The following VIT variants were observed in gnomAD, a reference collection of about 807,000 sequenced individuals.
The protein encoded by VIT is vitrin.
In VIT, 99 loss-of-function variants were observed where a neutral mutation model predicts 78.0. That is an observed-to-expected ratio of 1.27 (90% CI 1.08 to 1.50). VIT has a LOEUF of 1.50. Among genes scored for constraint, VIT ranks in the 40% most tolerant of loss-of-function variants. The pLI, the probability that VIT is intolerant of heterozygous loss-of-function variation, is 0.00. For synonymous variants in VIT, 374 were observed against 334.3 expected (o/e 1.12, Z -1.29); for missense variants, 1,126 against 875.3 (o/e 1.29, Z -3.61).
At chr2:36,758,524 T>A (rs1457444142) in intron 5 of VIT, among the ~76,000 whole-genome samples, 1 of 152,220 alleles carries the variant, frequency 6.6e-6, no homozygotes, top group Non-Finnish European at 1.5e-5. Flanking sequence ...ACTTTTAGGT[T>A]TTACTACTGC....
At chr2:36,752,176 G>A (rs988075626) in intron 4 of VIT, among the ~76,000 whole-genome samples, 1 of 152,134 alleles carries the variant, frequency 6.6e-6, no homozygotes, top group Non-Finnish European at 1.5e-5. Flanking sequence ...GAACATATTT[G>A]AGGCATCATA....
intron 9 of VIT, among the ~76,000 whole-genome samples, chr2:36,777,917 T>A (rs1670169365): frequency 6.6e-6 from 1 of 152,114 alleles, no homozygotes; most frequent in South Asian, 2.1e-4. Flanking sequence ...ACTAAACACC[T>A]CCTTTGTGTT....
At position 36,783,723 on chromosome 2, in the gene VIT, G is replaced by A. The variant is rs541151577; in HGVS notation, c.910+321G>A. On this transcript the variant is annotated intron_variant, in intron 11 of 15. Coordinates refer to ENST00000379242, the MANE Select transcript of VIT (RefSeq NM_053276.4). ...GGGCAATGGTCTACTGCAAATGATG[G>A]TGGCCAGAACTCGGAGTTGGAAGTG... Among the ~76,000 whole-genome samples, 6 of 152,298 alleles carry A rather than the reference G, an allele frequency of 3.9e-5. No individual in the cohort carries two copies. In the South Asian group the frequency reaches 1.2e-3, roughly 32 times the overall value.
intron 5 of VIT, among the ~76,000 whole-genome samples, chr2:36,758,064 G>A (rs1169376871): frequency 1.3e-5 from 2 of 152,172 alleles, no homozygotes; most frequent in East Asian, 3.8e-4. Context: ...TCCTGTAAAA[G>A]TATTCCCTCC....
In VIT at chr2:36,814,097, G is replaced by A. The variant is rs1398844967; in HGVS notation, c.1904-86G>A. ...CATATTTCTGATTTTGGATTTGGCT[G>A]TGCCAACAGGGCCACAAGAAGAGAG... On this transcript the variant is annotated intron_variant, in intron 15 of 15. Coordinates refer to ENST00000379242, the MANE Select transcript of VIT (RefSeq NM_053276.4). 4.0e-6 allele frequency: 6 copies of A among 1,508,822 alleles called. No individual in the cohort carries two copies. In the Admixed American group the frequency reaches 8.0e-5, roughly 20 times the overall value. 93.5% of individuals were successfully genotyped at this position (1,508,822 alleles called of 1,614,324 possible). A position where few individuals can be genotyped will look rare whatever the true frequency, so the allele number is the denominator to read the frequency against.
chr2:36,799,226 C>T (rs889354085), intron 12 of VIT, among the ~76,000 whole-genome samples: 17 of 152,132 alleles, frequency 1.1e-4, no homozygotes, highest in Admixed American at 2.0e-4. Flanking sequence ...GGAAAGGAAG[C>T]GGGGAGGCAG....
intron 15 of VIT, among the ~76,000 whole-genome samples, chr2:36,810,937 G>C (rs1382250486): frequency 1.3e-5 from 2 of 152,134 alleles, no homozygotes; most frequent in South Asian, 4.1e-4. Context: ...CCTGGCTTCT[G>C]TGCCTACATT....
chr2:36,782,617 C>G (rs1050214342), intron 10 of VIT, among the ~76,000 whole-genome samples: 1 of 152,160 alleles, frequency 6.6e-6, no homozygotes, highest in Non-Finnish European at 1.5e-5. Context: ...GTTACCAAGC[C>G]TAAAAGGATT....
chr2:36,759,235 G>A, intron 6 of VIT, 189 bp downstream of exon 6: 1 of 1,519,206 alleles, frequency 6.6e-7, no homozygotes, highest in Non-Finnish European at 8.8e-7. Flanking sequence ...AAGAATGAAA[G>A]CTTTATTTTT....
intron 9 of VIT, among the ~76,000 whole-genome samples, chr2:36,781,235 T>C (rs1007537555): frequency 6.6e-6 from 1 of 152,190 alleles, no homozygotes; most frequent in African/African-American, 2.4e-5. Context: ...ATATTAGGCA[T>C]ATAGTGAGTG....
At chr2:36,734,239 C>A (rs1373008678) in intron 3 of VIT, among the ~76,000 whole-genome samples, 1 of 152,210 alleles carries the variant, frequency 6.6e-6, no homozygotes, top group Admixed American at 6.5e-5. Context: ...AATGTGAAAT[C>A]ATTTCAGGTA....
intron 15 of VIT, among the ~76,000 whole-genome samples, chr2:36,812,313 C>T (rs184153392): frequency 7.2e-5 from 11 of 152,200 alleles, no homozygotes; most frequent in African/African-American, 2.2e-4. Flanking sequence ...GTGGGGGACT[C>T]GGGGGGAGGT....
intron 6 of VIT, among the ~76,000 whole-genome samples, chr2:36,765,447 G>GAGAGAC (rs759255390): frequency 6.7e-6 from 1 of 148,794 alleles, no homozygotes; most frequent in Admixed American, 6.7e-5. Context: ...GAGAGAGAGA[G>GAGAGAC]GAAAAACTGC....
At chr2:36,742,254 A>G (rs1288806583) in intron 3 of VIT, among the ~76,000 whole-genome samples, 1 of 151,998 alleles carries the variant, frequency 6.6e-6, no homozygotes, top group African/African-American at 2.4e-5. Flanking sequence ...TAGAGCATCT[A>G]CTCCACCTCA....
At chr2:36,781,529 T>C (rs1664753451) in intron 9 of VIT, among the ~76,000 whole-genome samples, 198 bp from the exon 10 acceptor site, 1 of 152,234 alleles carries the variant, frequency 6.6e-6, no homozygotes, top group Admixed American at 6.5e-5. Context: ...AAGATGTTTA[T>C]GCCTTTGACT....
At chr2:36,808,446 G>C (rs746597241) in intron 14 of VIT, 26 bp from the exon 15 acceptor site, 1 of 1,578,218 alleles carries the variant, frequency 6.3e-7, no homozygotes, top group Non-Finnish European at 8.6e-7. Context: ...CTGACGTGGC[G>C]TGGGTCCCTC....
intron 14 of VIT, 84 bp from the exon 15 acceptor site, chr2:36,808,388 A>T: frequency 6.7e-7 from 1 of 1,486,876 alleles, no homozygotes; most frequent in Non-Finnish European, 9.0e-7. Context: ...TTGCTTCTTC[A>T]CCTGCCCCGG....
At chr2:36,779,647 C>G (rs953067936) in intron 9 of VIT, among the ~76,000 whole-genome samples, 10 of 152,084 alleles carry the variant, frequency 6.6e-5, no homozygotes, top group Non-Finnish European at 1.3e-4. Flanking sequence ...TCCAACAGGC[C>G]CCAGTACGTG....
chr2:36,733,812 A>G (rs1196791365), intron 3 of VIT, among the ~76,000 whole-genome samples: 1 of 152,150 alleles, frequency 6.6e-6, no homozygotes, highest in African/African-American at 2.4e-5. Flanking sequence ...TCTTTTAGAA[A>G]ACATCCTAAG....
Sources: allele counts gnomAD v4.1 joint callset (sites outside exome capture counted in the v4.1 genomes callset), GRCh38; gene constraint gnomAD v4.1.1; transcripts MANE v1.5; gene names NCBI Gene and HGNC (gene_info 2026-07-23, HGNC 2026-07-21).